BUB1: variants seen among roughly 807,000 people sequenced by gnomAD.
BUB1 encodes the protein mitotic checkpoint serine/threonine-protein kinase BUB1.
A neutral mutation model predicts 135.2 loss-of-function variants in BUB1; 84 were observed. The ratio of observed to expected loss-of-function variants is 0.62; its 90% CI spans 0.52 to 0.74. The LOEUF (loss-of-function observed/expected upper bound fraction) is 0.74. BUB1 is among the 30% of genes least tolerant of loss of function. The pLI is 0.00. For synonymous variants in BUB1, 403 were observed against 434.4 expected (o/e 0.93, Z 0.90); for missense variants, 1,162 against 1,288.3 (o/e 0.90, Z 1.50).
intron 1 of BUB1, chr2:110,676,467 T>G (rs145140025): frequency 6.6e-6 from 1 of 152,308 alleles, no homozygotes; most frequent in Non-Finnish European, 1.5e-5. Flanking sequence ...TTGCTTTTGA[T>G]CCAACAAACC....
At chr2:110,646,395 G>A (rs1192801842) in intron 19 of BUB1, among the ~76,000 whole-genome samples, 1 of 151,872 alleles carries the variant, frequency 6.6e-6, no homozygotes, top group Non-Finnish European at 1.5e-5. Context: ...GGACGGGAAG[G>A]GGCAGATAAA....
chr2:110,663,173 A>C (rs1392609113), intron 9 of BUB1, among the ~76,000 whole-genome samples: 1 of 152,040 alleles, frequency 6.6e-6, no homozygotes, highest in Non-Finnish European at 1.5e-5. Flanking sequence ...CCAGCTGCTC[A>C]GGAGGCTGAG....
Position 110,658,394 on chromosome 2 carries a change from T to C in BUB1, c.1516+16A>G. 6.3e-7 allele frequency: 1 copy of C among 1,591,590 alleles called. No individual in the cohort carries two copies. The highest frequency in any genetic ancestry group is 8.6e-7 in the Non-Finnish European group (1 of 1,162,446). On this transcript the variant is annotated intron_variant, in intron 13 of 24. Transcript: ENST00000302759. ...CTATAATGCTATGCACTTAGTAGCT[T>C]TTAAATAGTTATTACTTTGAAACTG...
intron 23 of BUB1, 99 bp from the exon 24 acceptor site, chr2:110,639,947 G>T: frequency 1.0e-6 from 1 of 992,232 alleles, no homozygotes; most frequent in East Asian, 2.4e-5. Context: ...AATACTCACA[G>T]GATTTTACTT....
intron 17 of BUB1, among the ~76,000 whole-genome samples, chr2:110,652,122 A>G (rs541977598): frequency 5.3e-4 from 81 of 152,170 alleles, no homozygotes; most frequent in Admixed American, 3.0e-3. Context: ...AATGGATTTC[A>G]TATTTGTGAA....
At position 110,653,449 on chromosome 2, in the gene BUB1, C is replaced by A. The variant is rs375128586; in HGVS notation, c.1951G>T (p.Asp651Tyr). Reference protein sequence around the residue: ...CEENMVVPSRDGKFSPIQEKS... With the variant: ...CEENMVVPSRYGKFSPIQEKS... ...CCCTCACAATACCTGAATTTTCCAT[C>A]CCTTGAAGGCACCACCATGTTTTCC... The change falls in exon 17 of 25, where the codon GAT becomes TAT. Residue 651 changes from aspartate to tyrosine, a missense_variant. Coordinates refer to ENST00000302759, the MANE Select transcript of BUB1 (RefSeq NM_004336.5). 1 of 1,613,672 alleles carries A rather than the reference C, an allele frequency of 6.2e-7. No homozygotes were observed. The highest frequency in any genetic ancestry group is 1.3e-5 in the African/African-American group (1 of 74,902).
chr2:110,651,185 T>C (rs1689776070), intron 17 of BUB1, among the ~76,000 whole-genome samples: 1 of 152,070 alleles, frequency 6.6e-6, no homozygotes, highest in Non-Finnish European at 1.5e-5. Context: ...AATACAACAC[T>C]CCAGTACACT....
rs765972333 is a variant in BUB1, at chr2:110,661,633, T to G, written c.1166A>C (p.Lys389Thr). 1 of 1,614,184 alleles carries G rather than the reference T, an allele frequency of 6.2e-7. No homozygotes were observed. The highest frequency in any genetic ancestry group is 2.2e-5 in the East Asian group (1 of 44,888). The change falls in exon 10 of 25, where the codon AAA becomes ACA. Residue 389 changes from lysine (K) to threonine (T), a missense_variant. Physicochemically the swap from Lys to Thr is moderately conservative, Grantham distance 78. Transcript: ENST00000302759. The part of the protein sequence containing the change: ...SQSIAPPVPL[K>T]AQTVTDSMFA... ...CATGGAGTCTGTTACTGTCTGGGCT[T>G]TCAAAGGAACAGGAGGAGCAATGCT...
At chr2:110,673,610 T>G (rs1574337189) in intron 3 of BUB1, among the ~76,000 whole-genome samples, 4 of 145,232 alleles carry the variant, frequency 2.8e-5, no homozygotes, top group East Asian at 2.1e-4. Context: ...GAGCGGGGGG[T>G]GGGGACAGAG....
intron 5 of BUB1, 87 bp downstream of exon 5, chr2:110,670,438 G>T: frequency 2.0e-6 from 3 of 1,477,500 alleles, no homozygotes; most frequent in Non-Finnish European, 2.8e-6. Flanking sequence ...ATGCCCAGCC[G>T]GGTTTGTTTT....
At position 110,674,202 on chromosome 2, in the gene BUB1, T is replaced by G. The variant is rs1021594739; in HGVS notation, c.109A>C (p.Asn37His). 1 of 1,605,844 alleles carries G rather than the reference T, an allele frequency of 6.2e-7. No homozygotes were observed. The highest frequency in any genetic ancestry group is 8.5e-7 in the Non-Finnish European group (1 of 1,173,620). ...AAGTATTCTTTATTCTCAGGAAAAT[T>G]CTCTTCTACCCACTGTATGTATCTA... ...WERYIQWVEE[N>H]FPENKEYLIT... Residue 37 changes from asparagine to histidine, a missense_variant, in exon 3 of 25, where the codon AAT becomes CAT. By Grantham distance (68) the Asn-to-His change is moderately conservative. Coordinates refer to ENST00000302759, the MANE Select transcript of BUB1 (RefSeq NM_004336.5).
At chr2:110,672,905 T>C (rs1161971011) in intron 3 of BUB1, 48 bp from the exon 4 acceptor site, 1 of 1,494,570 alleles carries the variant, frequency 6.7e-7, no homozygotes, top group Non-Finnish European at 8.9e-7. Flanking sequence ...GAACTGCTAG[T>C]CTATGTCTGG....
intron 8 of BUB1, 144 bp from the exon 9 acceptor site, chr2:110,666,558 T>G: frequency 1.8e-6 from 1 of 563,162 alleles, no homozygotes; most frequent in Non-Finnish European, 2.7e-6. Flanking sequence ...AAGTGAAACT[T>G]GTATTACCTT....
intron 18 of BUB1, 149 bp downstream of exon 18, chr2:110,650,397 T>C: frequency 1.5e-6 from 1 of 662,068 alleles, no homozygotes; most frequent in Non-Finnish European, 2.6e-6. Context: ...GTTACTCCAT[T>C]GTGATGCATT....
In BUB1 at chr2:110,642,559, T is replaced by G. The variant is rs532223466; in HGVS notation, c.2348-325A>C. On this transcript the variant is annotated intron_variant, in intron 19 of 24. Coordinates refer to ENST00000302759, the MANE Select transcript of BUB1 (RefSeq NM_004336.5). ...CAGATGTTCCTTGTTTTTGATGACC[T>G]TGACAGTTCCAAAGAGTACTAGTCA... The G allele has an allele frequency of 9.4e-5, 16 of 169,852 alleles. No individual in the cohort carries two copies. The South Asian group carries it at 2.5e-3, about 27-fold the overall frequency. The allele number at this position is 169,852 out of a possible 1,614,324, so 10.5% of individuals were successfully genotyped here.
chr2:110,653,821 T>G (rs559344119), intron 16 of BUB1, among the ~76,000 whole-genome samples: 2 of 151,940 alleles, frequency 1.3e-5, no homozygotes, highest in Admixed American at 6.6e-5. Context: ...CTGAGCAACA[T>G]AGTGAGACCC....
At chr2:110,668,407 G>A (rs1280016278) in intron 6 of BUB1, among the ~76,000 whole-genome samples, 4 of 152,190 alleles carry the variant, frequency 2.6e-5, no homozygotes, top group Admixed American at 6.5e-5. Context: ...GCAAGCATGT[G>A]TAGGACGTAA....
Position 110,638,050 on chromosome 2 carries a change from A to C in BUB1, c.3172T>G (p.Phe1058Val). ...DLLRQKLKKV[F>V]QQHYTNKIRA... The stretch of plus-strand genomic sequence containing the variant: ...ATCTTGTTAGTATAGTGTTGTTGAA[A>C]TACTTTCTTCAGCTTTTGCCTTAAC... Residue 1058 changes from phenylalanine to valine, a missense_variant, in exon 25 of 25, where the codon TTT (phenylalanine) becomes GTT (valine). Physicochemically the swap from Phe to Val is conservative, Grantham distance 50. Coordinates refer to ENST00000302759, the MANE Select transcript of BUB1 (RefSeq NM_004336.5). 3.1e-6 allele frequency: 5 copies of C among 1,613,008 alleles called. No individual in the cohort carries two copies. Among genetic ancestry groups the C allele is most frequent in the Non-Finnish European group, 4.2e-6 (5 of 1,179,512 alleles).
intron 9 of BUB1, among the ~76,000 whole-genome samples, chr2:110,664,767 G>A (rs1277467229): frequency 3.3e-5 from 5 of 149,808 alleles, no homozygotes; most frequent in Non-Finnish European, 5.9e-5. Flanking sequence ...AAACAAATCA[G>A]AAAAAAAATG....
Sources: allele counts gnomAD v4.1 joint callset (sites outside exome capture counted in the v4.1 genomes callset), GRCh38; gene constraint gnomAD v4.1.1; transcripts MANE v1.5; gene names NCBI Gene and HGNC (gene_info 2026-07-23, HGNC 2026-07-21).